Variants in CCDC146 observed in about 807,000 individuals in gnomAD.
The protein encoded by CCDC146 is coiled-coil domain-containing protein 146.
CCDC146 carries 92 observed loss-of-function variants against 119.3 expected under a neutral mutation model. That is an observed-to-expected ratio of 0.77 (90% CI 0.65 to 0.92). The LOEUF (loss-of-function observed/expected upper bound fraction) is 0.92. Ranked by LOEUF, CCDC146 falls within the 40% of genes least tolerant of loss-of-function variation. The probability of loss-of-function intolerance (pLI) is 0.00; values close to 1 mark genes in which losing one functional copy is unlikely to be tolerated. For synonymous variants in CCDC146, 372 were observed against 371.8 expected (o/e 1.00, Z -0.01); for missense variants, 1,000 against 1,103.0 (o/e 0.91, Z 1.32).
chr7:77,239,542 G>A (rs17804328), intron 3 of CCDC146, among the ~76,000 whole-genome samples: 16,063 of 152,250 alleles, frequency 0.11, 1,110 homozygotes, highest in Non-Finnish European at 0.16. Flanking sequence ...CAGACACAAG[G>A]TAACTTCAGT....
chr7:77,178,508 G>A (rs554752629), intron 2 of CCDC146, among the ~76,000 whole-genome samples: 1 of 152,250 alleles, frequency 6.6e-6, no homozygotes, highest in African/African-American at 2.4e-5. Context: ...CTCTGTTTGT[G>A]TGGTTTATTT....
intron 2 of CCDC146, among the ~76,000 whole-genome samples, chr7:77,225,548 T>C (rs564435845): frequency 1.3e-5 from 2 of 151,094 alleles, no homozygotes; most frequent in Non-Finnish European, 2.9e-5. Flanking sequence ...AGCAAGACTT[T>C]GCCTTAAAAA....
At chr7:77,149,415 C>T (rs1291103848) in intron 1 of CCDC146, among the ~76,000 whole-genome samples, 2 of 152,036 alleles carry the variant, frequency 1.3e-5, no homozygotes, top group Admixed American at 1.3e-4. Flanking sequence ...GTATCTAGTA[C>T]AGACAAAACA....
intron 9 of CCDC146, among the ~76,000 whole-genome samples, chr7:77,272,820 G>A (rs575664012): frequency 6.6e-6 from 1 of 152,242 alleles, no homozygotes; most frequent in East Asian, 1.9e-4. Context: ...CGTCAACACA[G>A]GAGAAAAGTG....
At chr7:77,253,553 AC>A (rs967372828) in intron 4 of CCDC146, among the ~76,000 whole-genome samples, 7 of 152,318 alleles carry the variant, frequency 4.6e-5, no homozygotes, top group African/African-American at 1.7e-4. Flanking sequence ...TGGGGACAAA[AC>A]TAATTCTAGT....
chr7:77,256,902 G>A (rs980391407), intron 6 of CCDC146, among the ~76,000 whole-genome samples: 8 of 152,104 alleles, frequency 5.3e-5, no homozygotes, highest in African/African-American at 1.7e-4. Context: ...TTAGGAGTTC[G>A]AGACCAGCCT....
intron 2 of CCDC146, chr7:77,193,761 T>A (rs1791813763): frequency 1.3e-5 from 2 of 152,506 alleles, no homozygotes; most frequent in South Asian, 4.1e-4. Context: ...TAGTCAATAT[T>A]TTCAAGTAAT....
At chr7:77,124,457 A>G (rs1356069897) in intron 1 of CCDC146, among the ~76,000 whole-genome samples, 1 of 152,192 alleles carries the variant, frequency 6.6e-6, no homozygotes, top group Non-Finnish European at 1.5e-5. Context: ...CTGTATCCTC[A>G]CTAATTAGGA....
chr7:77,292,962 A>C lies in CCDC146; in HGVS notation c.2426A>C (p.Tyr809Ser). Residue 809 changes from tyrosine to serine, a missense_variant, in exon 18 of 19, where the codon TAT (tyrosine) becomes TCT (serine). Tyr to Ser is a moderately radical substitution (Grantham distance 144, BLOSUM62 -2). Transcript: ENST00000285871. ...TLLLAKKMNG[Y>S]QRRIKNATEK... Reference sequence around the variant, plus strand: ...GCTCTTTAATTCTAGATGAATGGCTATCAAAGAAGGATCAAAAATGCAACT... The same window carrying C: ...GCTCTTTAATTCTAGATGAATGGCTCTCAAAGAAGGATCAAAAATGCAACT... 1 of 1,613,710 alleles carries C rather than the reference A, an allele frequency of 6.2e-7. No homozygotes were observed. The highest frequency in any genetic ancestry group is 8.5e-7 in the Non-Finnish European group (1 of 1,179,970).
In CCDC146 at chr7:77,279,113, A is replaced by C; in HGVS notation, c.1694+12A>C. On this transcript the variant is annotated intron_variant, in intron 13 of 18. Coordinates refer to ENST00000285871, the MANE Select transcript of CCDC146 (RefSeq NM_020879.3). ...GTTAGTCAAGAAAGGTAAGTGTTATAATAACTATTGGCCTTTCAAAGGCTT... is the reference window on the plus strand; with the variant it reads ...GTTAGTCAAGAAAGGTAAGTGTTATCATAACTATTGGCCTTTCAAAGGCTT... 6.2e-7 allele frequency: 1 copy of C among 1,608,248 alleles called. No homozygotes were observed. The highest frequency in any genetic ancestry group is 8.5e-7 in the Non-Finnish European group (1 of 1,178,032).
chr7:77,125,823 T>A (rs1441417876), intron 1 of CCDC146, among the ~76,000 whole-genome samples: 8 of 152,142 alleles, frequency 5.3e-5, no homozygotes, highest in African/African-American at 1.9e-4. Flanking sequence ...GAAATATTAA[T>A]AAACTCAACA....
chr7:77,203,205 A>G (rs1792025533), intron 2 of CCDC146, among the ~76,000 whole-genome samples: 1 of 152,044 alleles, frequency 6.6e-6, no homozygotes, highest in Admixed American at 6.5e-5. Flanking sequence ...AAGGCATGAT[A>G]GAAGCCATGG....
intron 1 of CCDC146, among the ~76,000 whole-genome samples, chr7:77,159,559 T>C (rs4729187): frequency 0.4 from 60,352 of 151,146 alleles, 12,512 homozygotes; most frequent in African/African-American, 0.52. Flanking sequence ...GTTGTTTCCA[T>C]ATCTTGGCTT....
intron 1 of CCDC146, among the ~76,000 whole-genome samples, chr7:77,149,015 G>A (rs1791067723): frequency 6.6e-6 from 1 of 152,124 alleles, no homozygotes; most frequent in East Asian, 1.9e-4. Flanking sequence ...AGCCCATATA[G>A]CCAAGACAAC....
intron 2 of CCDC146, among the ~76,000 whole-genome samples, chr7:77,172,132 C>T (rs1345859223): frequency 1.3e-5 from 2 of 152,308 alleles, no homozygotes; most frequent in Middle Eastern, 3.4e-3. Flanking sequence ...TGCAAACTTT[C>T]GGAATATTCA....
intron 15 of CCDC146, among the ~76,000 whole-genome samples, chr7:77,286,335 A>G (rs545530799): frequency 6.6e-6 from 1 of 152,308 alleles, no homozygotes; most frequent in East Asian, 1.9e-4. Flanking sequence ...GTACCAAGCC[A>G]TTCATGAAGG....
chr7:77,198,310 C>A (rs918823464), intron 2 of CCDC146: 1 of 985,248 alleles, frequency 1.0e-6, no homozygotes, highest in Admixed American at 6.2e-5. Context: ...TTCAACCTCA[C>A]GTTCATGGTA....
chr7:77,166,330 T>A (rs989408219), intron 1 of CCDC146, among the ~76,000 whole-genome samples: 4 of 152,188 alleles, frequency 2.6e-5, no homozygotes, highest in African/African-American at 9.6e-5. Context: ...ATCAGAAATT[T>A]ATCTAAATGT....
intron 2 of CCDC146, among the ~76,000 whole-genome samples, chr7:77,224,940 G>A (rs1290299648): frequency 1.3e-5 from 2 of 152,126 alleles, no homozygotes; most frequent in Non-Finnish European, 2.9e-5. Flanking sequence ...GGAATGAAGG[G>A]ACAGAGCAGA....
Sources: allele counts gnomAD v4.1 joint callset (sites outside exome capture counted in the v4.1 genomes callset), GRCh38; gene constraint gnomAD v4.1.1; transcripts MANE v1.5; gene names NCBI Gene and HGNC (gene_info 2026-07-23, HGNC 2026-07-21).